ODAD2: variants seen among roughly 807,000 people sequenced by gnomAD.
The protein encoded by ODAD2 is outer dynein arm docking complex subunit 2.
Under a neutral mutation model 106.8 loss-of-function variants are expected in ODAD2, and 89 were observed. The ratio of observed to expected loss-of-function variants is 0.83; its 90% CI spans 0.70 to 0.99. The LOEUF (loss-of-function observed/expected upper bound fraction) is 0.99, where lower values mean the gene tolerates loss of function less well. Among genes scored for constraint, ODAD2 ranks in the 50% least tolerant of loss-of-function variants. The pLI, the probability that ODAD2 is intolerant of heterozygous loss-of-function variation, is 0.00. For missense variants in ODAD2, 1,168 were observed against 1,238.5 expected, an observed-to-expected ratio of 0.94 and a Z score of 0.85; for synonymous variants, 404 against 436.2, an observed-to-expected ratio of 0.93 and a Z score of 0.92.
At chr10:27,905,999 A>G (rs1016805652) in intron 17 of ODAD2, among the ~76,000 whole-genome samples, 1 of 152,202 alleles carries the variant, frequency 6.6e-6, no homozygotes, top group African/African-American at 2.4e-5. Context: ...ATGGCAACAA[A>G]AGCCAGAATT....
chr10:27,971,387 G>T, intron 7 of ODAD2, 74 bp from the exon 8 acceptor site: 1 of 1,252,920 alleles, frequency 8.0e-7, no homozygotes, highest in Non-Finnish European at 1.1e-6. Flanking sequence ...TAATGCCAGT[G>T]GTAAATTCAG....
At chr10:27,904,825 A>G (rs2133834888) in intron 17 of ODAD2, among the ~76,000 whole-genome samples, 1 of 152,334 alleles carries the variant, frequency 6.6e-6, no homozygotes, top group South Asian at 2.1e-4. Context: ...CAATTTATAA[A>G]TCAACTTGGA....
intron 2 of ODAD2, among the ~76,000 whole-genome samples, chr10:27,991,390 C>T (rs1449704046): frequency 3.3e-5 from 5 of 152,038 alleles, no homozygotes; most frequent in Non-Finnish European, 7.4e-5. Flanking sequence ...CAATTAATAA[C>T]GATCTGCACA....
chr10:27,956,438 C>T (rs911689322), intron 10 of ODAD2, among the ~76,000 whole-genome samples: 2 of 152,270 alleles, frequency 1.3e-5, no homozygotes, highest in African/African-American at 4.8e-5. Context: ...AGGAATAAGA[C>T]CGCCTGGATG....
At chr10:27,999,402 A>G (rs2133262780), upstream of ODAD2, among the ~76,000 whole-genome samples, 2 of 152,244 alleles carry the variant, frequency 1.3e-5, no homozygotes, top group South Asian at 4.1e-4. Flanking sequence ...ACCCCCAAAT[A>G]GCATAGGGCT....
chr10:27,891,089 T>C (rs2133703721), intron 17 of ODAD2, among the ~76,000 whole-genome samples: 1 of 152,304 alleles, frequency 6.6e-6, no homozygotes, highest in African/African-American at 2.4e-5. Flanking sequence ...AAAGTTCTCA[T>C]TGGCTCCCTG....
chr10:27,920,904 C>A (rs1215667288), intron 16 of ODAD2, among the ~76,000 whole-genome samples: 2 of 151,126 alleles, frequency 1.3e-5, no homozygotes, highest in African/African-American at 4.9e-5. Flanking sequence ...ATGTTTAAAC[C>A]ACAGAAGAGA....
intron 3 of ODAD2, among the ~76,000 whole-genome samples, chr10:27,986,005 G>T (rs773453599): frequency 2.5e-4 from 38 of 152,054 alleles, no homozygotes; most frequent in Non-Finnish European, 4.4e-4. Context: ...ATTGAGATGG[G>T]GGTGGAGAGG....
intron 9 of ODAD2, 94 bp downstream of exon 9, chr10:27,968,829 A>G: frequency 2.6e-6 from 1 of 382,430 alleles, no homozygotes; most frequent in Non-Finnish European, 4.8e-6. Flanking sequence ...ACATCTGGGG[A>G]CCCTAATAGG....
At chr10:27,881,784 G>A (rs969802529) in intron 17 of ODAD2, among the ~76,000 whole-genome samples, 1 of 152,126 alleles carries the variant, frequency 6.6e-6, no homozygotes, top group African/African-American at 2.4e-5. Flanking sequence ...ACTATGTGTT[G>A]TACATTGTGA....
At chr10:27,848,022 A>T (rs1838917977) in intron 19 of ODAD2, among the ~76,000 whole-genome samples, 1 of 152,214 alleles carries the variant, frequency 6.6e-6, no homozygotes, top group Non-Finnish European at 1.5e-5. Context: ...ATTCAATGCC[A>T]TTCCCATCAA....
At chr10:27,924,470 C>G in intron 16 of ODAD2, among the ~76,000 whole-genome samples, 1 of 147,202 alleles carries the variant, frequency 6.8e-6, no homozygotes, top group South Asian at 2.1e-4. Flanking sequence ...CAATATAAAC[C>G]AAAAGAGACC....
intron 10 of ODAD2, among the ~76,000 whole-genome samples, chr10:27,953,763 T>G (rs867635902): frequency 4.6e-5 from 7 of 152,220 alleles, no homozygotes; most frequent in Non-Finnish European, 1.0e-4. Flanking sequence ...GACTTTCACT[T>G]TGCATGGCTT....
intron 19 of ODAD2, among the ~76,000 whole-genome samples, chr10:27,858,906 C>A (rs979066422): frequency 6.7e-6 from 1 of 149,508 alleles, no homozygotes; most frequent in Admixed American, 6.8e-5. Flanking sequence ...CAGGTTCAAG[C>A]GATTCTCCTG....
chr10:27,815,110 G>A (rs962803011), intron 19 of ODAD2, among the ~76,000 whole-genome samples: 4 of 152,120 alleles, frequency 2.6e-5, no homozygotes, highest in Non-Finnish European at 5.9e-5. Context: ...TACCTAAAAC[G>A]GCAACCATGC....
At chr10:27,976,299 T>C (rs1372237488) in intron 7 of ODAD2, among the ~76,000 whole-genome samples, 2 of 151,902 alleles carry the variant, frequency 1.3e-5, no homozygotes, top group Non-Finnish European at 2.9e-5. Flanking sequence ...ACAGTTAAAT[T>C]AGGAAGGAAG....
chr10:27,838,316 G>A (rs1838056713), intron 19 of ODAD2, among the ~76,000 whole-genome samples: 1 of 152,054 alleles, frequency 6.6e-6, no homozygotes, highest in African/African-American at 2.4e-5. Context: ...CACTATTTTG[G>A]GTCAGCTGAA....
At chr10:27,844,247 G>A (rs1838539775) in intron 19 of ODAD2, among the ~76,000 whole-genome samples, 1 of 152,170 alleles carries the variant, frequency 6.6e-6, no homozygotes, top group Non-Finnish European at 1.5e-5. Flanking sequence ...CCAGCTGCAA[G>A]AGCAGCAAAG....
intron 19 of ODAD2, among the ~76,000 whole-genome samples, chr10:27,832,066 G>A (rs1321831343): frequency 1.3e-5 from 2 of 152,230 alleles, no homozygotes; most frequent in Non-Finnish European, 2.9e-5. Flanking sequence ...ATCTTCAGGG[G>A]CTAACACAGA....
Sources: allele counts gnomAD v4.1 joint callset (sites outside exome capture counted in the v4.1 genomes callset), GRCh38; gene constraint gnomAD v4.1.1; transcripts MANE v1.5; gene names NCBI Gene and HGNC (gene_info 2026-07-23, HGNC 2026-07-21).